KCNN1: variants seen among roughly 807,000 people sequenced by gnomAD.
The protein encoded by KCNN1 is potassium calcium-activated channel subfamily N member 1.
A neutral mutation model predicts 44.7 loss-of-function variants in KCNN1; 20 were observed. The observed-to-expected ratio is 0.45, with a 90% confidence interval of 0.32 to 0.65. KCNN1 has a LOEUF of 0.65. KCNN1 is among the 30% of genes least tolerant of loss of function. KCNN1 has a pLI of 0.05. For missense variants in KCNN1, 632 were observed against 785.3 expected (o/e 0.80, Z 2.33); for synonymous variants, 324 against 341.7 (o/e 0.95, Z 0.57).
rs950516616 is a variant in KCNN1 at position 17,983,357 on chromosome 19, C to T, written c.917+1230C>T. Reference sequence around the variant, plus strand: ...CAGCACCCCATCCTCATCCCTCCACCCAGCCCCCACCCCCCATACTCCCAC... The same window carrying T: ...CAGCACCCCATCCTCATCCCTCCACTCAGCCCCCACCCCCCATACTCCCAC... On this transcript the variant is annotated intron_variant, in intron 4 of 9. Transcript: ENST00000684775. This position sits in a 1 kb window ranked among gnomAD's most constrained non-coding sequence, Gnocchi z 4.5. 2.0e-5 allele frequency among the ~76,000 whole-genome samples: 3 copies of T among 152,274 alleles called. No individual in the cohort carries two copies. Among genetic ancestry groups the T allele is most frequent in the Admixed American group, 2.0e-4 (3 of 15,300 alleles).
chr19:17,956,511 G>C (rs575255569), intron 2 of KCNN1, among the ~76,000 whole-genome samples: 1 of 152,094 alleles, frequency 6.6e-6, no homozygotes, highest in Non-Finnish European at 1.5e-5. Context: ...GGGAGGCCAA[G>C]ACAGGAGGAT....
intron 5 of KCNN1, among the ~76,000 whole-genome samples, chr19:17,987,170 C>T (rs796809018): frequency 1.1e-4 from 17 of 151,246 alleles, no homozygotes; most frequent in African/African-American, 4.1e-4. Flanking sequence ...AATGCAGTGG[C>T]GTGATCTCAG....
chr19:17,967,748 G>A (rs2031866492), intron 1 of KCNN1, among the ~76,000 whole-genome samples: 1 of 152,010 alleles, frequency 6.6e-6, no homozygotes, highest in Admixed American at 6.5e-5. Context: ...ATCTCTCCCC[G>A]GACAGAAGTC....
intron 1 of KCNN1, among the ~76,000 whole-genome samples, chr19:17,969,223 G>T (rs1448033949): frequency 6.6e-6 from 1 of 152,080 alleles, no homozygotes; most frequent in Non-Finnish European, 1.5e-5. Flanking sequence ...CTTCTCGACG[G>T]CAGGACCAGG....
At chr19:17,972,038 C>G (rs866171703) in intron 1 of KCNN1, 1 of 151,908 alleles carries the variant, frequency 6.6e-6, no homozygotes, top group African/African-American at 2.4e-5. Flanking sequence ...TATGGCCATA[C>G]CACCCTGAAC....
chr19:17,998,458 C>T lies in KCNN1; in HGVS notation c.*52C>T. 7.0e-7 allele frequency: 1 copy of T among 1,438,396 alleles called. No homozygotes were observed. The highest frequency in any genetic ancestry group is 1.5e-5 in the South Asian group (1 of 68,728). 89.1% of individuals were successfully genotyped at this position (1,438,396 alleles called of 1,614,324 possible). A position where few individuals can be genotyped will look rare whatever the true frequency, so the allele number is the denominator to read the frequency against. On this transcript the variant is annotated 3_prime_UTR_variant, in exon 10 of 10. Coordinates refer to ENST00000684775, the MANE Select transcript of KCNN1 (RefSeq NM_001386974.1). The surrounding 1 kb of genome is among the most constrained non-coding windows in gnomAD (Gnocchi z 5.4). ...AATCTTGGCCATCGTGTGGCCGCCA[C>T]CTCCGGGAAGCCTTGTACAGTGGCG...
chr19:17,998,508 G>A lies in KCNN1; in HGVS notation c.*102G>A, dbSNP rs911061457. ...GCCTCTTGGAGTTCAAGAAGCCAACGCTGAGTCAGGCTGAGTGGACTGAGG... is the reference window on the plus strand; with the variant it reads ...GCCTCTTGGAGTTCAAGAAGCCAACACTGAGTCAGGCTGAGTGGACTGAGG... On this transcript the variant is annotated 3_prime_UTR_variant, in exon 10 of 10. Coordinates refer to ENST00000684775, the MANE Select transcript of KCNN1 (RefSeq NM_001386974.1). This position sits in a 1 kb window ranked among gnomAD's most constrained non-coding sequence, Gnocchi z 5.4. 5 of 1,131,708 alleles carry A rather than the reference G, an allele frequency of 4.4e-6. No individual in the cohort carries two copies. The African/African-American group carries it at 4.8e-5, about 11-fold the overall frequency. The allele number at this position is 1,131,708 out of a possible 1,614,324, so 70.1% of individuals were successfully genotyped here. A position where few individuals can be genotyped will look rare whatever the true frequency, so the allele number is the denominator to read the frequency against.
Position 17,993,423 on chromosome 19 carries a change from C to T in KCNN1, c.1308-67C>T. ...TGACCCCGGGTGGGTGCATGAAAGTCCCTGCCCCCACTGCAGCCTCCACGG... is the reference window on the plus strand; with the variant it reads ...TGACCCCGGGTGGGTGCATGAAAGTTCCTGCCCCCACTGCAGCCTCCACGG... On this transcript the variant is annotated intron_variant, in intron 8 of 9. Coordinates refer to ENST00000684775, the MANE Select transcript of KCNN1 (RefSeq NM_001386974.1). The surrounding 1 kb of genome is among the most constrained non-coding windows in gnomAD (Gnocchi z 4.5). 1 of 1,217,376 alleles carries T rather than the reference C, an allele frequency of 8.2e-7. No homozygotes were observed. The highest frequency in any genetic ancestry group is 1.3e-5 in the South Asian group (1 of 78,860). 75.4% of individuals were successfully genotyped at this position (1,217,376 alleles called of 1,614,324 possible). A position where few individuals can be genotyped will look rare whatever the true frequency, so the allele number is the denominator to read the frequency against.
intron 3 of KCNN1, among the ~76,000 whole-genome samples, chr19:17,980,228 A>ATT (rs34810089): frequency 0.017 from 770 of 44,406 alleles, 55 homozygotes; most frequent in Non-Finnish European, 0.021. Context: ...CACCTAGCTA[A>ATT]TTTTTTTTTT....
At chr19:17,970,453 G>T (rs902386168) in intron 1 of KCNN1, among the ~76,000 whole-genome samples, 5 of 151,408 alleles carry the variant, frequency 3.3e-5, no homozygotes, top group Non-Finnish European at 5.9e-5. Flanking sequence ...AAGTAGCTGG[G>T]ATGACAGGTG....
chr19:17,969,134 AT>A (rs1483050993), intron 1 of KCNN1, among the ~76,000 whole-genome samples: 1 of 151,882 alleles, frequency 6.6e-6, no homozygotes, highest in East Asian at 1.9e-4. Flanking sequence ...TTAGGCCCAG[AT>A]TGCAGTGGGG....
intron 2 of KCNN1, among the ~76,000 whole-genome samples, chr19:17,961,852 G>C (rs1325661267): frequency 6.6e-6 from 1 of 152,134 alleles, no homozygotes; most frequent in South Asian, 2.1e-4. Flanking sequence ...GCCTCCCAAA[G>C]TGCTGGGATT....
At chr19:17,985,029 CTG>C (rs3217676) in intron 4 of KCNN1, among the ~76,000 whole-genome samples, 19,133 of 152,038 alleles carry the variant, frequency 0.13, 1,200 homozygotes, top group Non-Finnish European at 0.14. Context: ...ATCCCCCTGT[CTG>C]TGTGTGTCTG....
chr19:17,991,506 A>G (rs995601339), intron 7 of KCNN1, among the ~76,000 whole-genome samples: 2 of 151,700 alleles, frequency 1.3e-5, no homozygotes, highest in African/African-American at 4.8e-5. Flanking sequence ...CAGCACTTTG[A>G]GAGGCCGAGG....
rs984726326 is a variant in KCNN1 at position 17,973,883 on chromosome 19, G to C, written c.-6G>C. 2.3e-5 allele frequency: 35 copies of C among 1,550,466 alleles called. No homozygotes were observed. Among genetic ancestry groups the C allele is most frequent in the Non-Finnish European group, 3.0e-5 (34 of 1,149,614 alleles). On this transcript the variant is annotated 5_prime_UTR_variant, in exon 2 of 10. Coordinates refer to ENST00000684775, the MANE Select transcript of KCNN1 (RefSeq NM_001386974.1). ...CAGCGAGCCCAACCCCTGCACCCAG[G>C]TAGTCATGAACAGCCACAGCTACAA...
At chr19:17,978,913 A>G (rs2032300930) in intron 3 of KCNN1, among the ~76,000 whole-genome samples, 1 of 151,534 alleles carries the variant, frequency 6.6e-6, no homozygotes, top group Non-Finnish European at 1.5e-5. Flanking sequence ...TTAAACAGTT[A>G]GCCAGGCATG....
At chr19:17,963,321 T>TG (rs1410627480), upstream of KCNN1, among the ~76,000 whole-genome samples, 1 of 149,236 alleles carries the variant, frequency 6.7e-6, no homozygotes, top group Non-Finnish European at 1.5e-5. Context: ...CCACCTTTTT[T>TG]TTTTTTTTTG....
chr19:17,990,799 C>CAA lies in KCNN1; in HGVS notation c.1298+970_1298+971dup, dbSNP rs1252211442. Among the ~76,000 whole-genome samples, 130 of 54,784 alleles carry CAA rather than the reference C, an allele frequency of 2.4e-3. 1 individual carries two copies. The highest frequency in any genetic ancestry group is 7.8e-3 in the African/African-American group (117 of 15,044). 35.9% of individuals were successfully genotyped at this position (54,784 alleles called of 152,430 possible). The stretch of plus-strand genomic sequence containing the variant: ...TGGGCGACAGAGTGAGACTCTGTCT[C>CAA]AAAAAAAAAAAAAAAGAAAGAAAAA... On this transcript the variant is annotated intron_variant, in intron 7 of 9. Transcript: ENST00000684775.
In KCNN1 at chr19:17,974,541, A is replaced by AG. The variant is rs1006866826; in HGVS notation, c.402+257dup. On this transcript the variant is annotated intron_variant, in intron 2 of 9. Coordinates refer to ENST00000684775, the MANE Select transcript of KCNN1 (RefSeq NM_001386974.1). The surrounding 1 kb of genome is among the most constrained non-coding windows in gnomAD (Gnocchi z 7.3). ...GGGGCTGCACCCTGGCTTAAGGCGGAGGGGGGCTTCCCCCCAGGACAGGGG... is the reference window on the plus strand; with the variant it reads ...GGGGCTGCACCCTGGCTTAAGGCGGAGGGGGGGCTTCCCCCCAGGACAGGGG... Among the ~76,000 whole-genome samples, 7 of 152,066 alleles carry AG rather than the reference A, an allele frequency of 4.6e-5. No homozygotes were observed. Among genetic ancestry groups the AG allele is most frequent in the Non-Finnish European group, 1.0e-4 (7 of 67,976 alleles).
Sources: gnomAD v4.1 joint callset for allele counts (sites outside exome capture counted in the v4.1 genomes callset) on GRCh38, gnomAD v4.1.1 for gene constraint, Gnocchi (gnomAD v3.1) non-coding constraint, MANE v1.5 for transcripts, NCBI Gene and HGNC (gene_info 2026-07-23, HGNC 2026-07-21) for gene names.